The following KCNH1 variants were observed in gnomAD, a reference collection of about 807,000 sequenced individuals.
KCNH1 encodes voltage-gated delayed rectifier potassium channel KCNH1.
KCNH1 carries 27 observed loss-of-function variants against 69.2 expected under a neutral mutation model. That is an observed-to-expected ratio of 0.39 (90% CI 0.29 to 0.54). The LOEUF (loss-of-function observed/expected upper bound fraction) is 0.54, where lower values mean the gene tolerates loss of function less well. KCNH1 is among the 20% of genes least tolerant of loss of function. The pLI is 0.68. For synonymous variants in KCNH1, 456 were observed against 487.7 expected (o/e 0.93, Z 0.86); for missense variants, 798 against 1,261.6 (o/e 0.63, Z 5.57).
At chr1:210,821,900 G>A (rs1684937351) in intron 7 of KCNH1, among the ~76,000 whole-genome samples, 1 of 151,718 alleles carries the variant, frequency 6.6e-6, no homozygotes, top group Non-Finnish European at 1.5e-5. Flanking sequence ...GTAGTGGCAT[G>A]ATCATAGCTC....
intron 7 of KCNH1, among the ~76,000 whole-genome samples, chr1:210,907,945 G>A (rs1315074449): frequency 2.0e-5 from 3 of 152,206 alleles, no homozygotes; most frequent in African/African-American, 7.2e-5. Flanking sequence ...TTTTGTACCT[G>A]CTACTGTGAC....
At chr1:211,128,770 G>GA (rs1691828606) in intron 1 of KCNH1, among the ~76,000 whole-genome samples, 1 of 152,116 alleles carries the variant, frequency 6.6e-6, no homozygotes. Context: ...TTTGCAGCTG[G>GA]AAAAAACAAT....
At chr1:211,096,459 TA>T (rs1429504668) in intron 3 of KCNH1, among the ~76,000 whole-genome samples, 3 of 152,160 alleles carry the variant, frequency 2.0e-5, no homozygotes, top group Non-Finnish European at 2.9e-5. Flanking sequence ...TTGAATGACT[TA>T]AAAACAGGAA....
At chr1:210,857,070 C>A (rs1401393909) in intron 7 of KCNH1, among the ~76,000 whole-genome samples, 1 of 151,436 alleles carries the variant, frequency 6.6e-6, no homozygotes, top group African/African-American at 2.4e-5. Flanking sequence ...AGCCATGAGC[C>A]TACCCTATGC....
intron 3 of KCNH1, among the ~76,000 whole-genome samples, chr1:211,100,537 A>T (rs529801689): frequency 6.6e-6 from 1 of 152,196 alleles, no homozygotes; most frequent in South Asian, 2.1e-4. Flanking sequence ...TTTTTAGTAG[A>T]TGGGGGTTTC....
chr1:210,913,674 T>C (rs1687279638), intron 7 of KCNH1, among the ~76,000 whole-genome samples: 1 of 152,176 alleles, frequency 6.6e-6, no homozygotes, highest in Non-Finnish European at 1.5e-5. Flanking sequence ...TGTGGAGGAC[T>C]AATGTTTCCT....
At chr1:210,982,090 C>T (rs1571548547) in intron 6 of KCNH1, among the ~76,000 whole-genome samples, 1 of 152,046 alleles carries the variant, frequency 6.6e-6, no homozygotes, top group African/African-American at 2.4e-5. Context: ...CTTTAGTCCA[C>T]CAGCAATAAG....
At chr1:210,895,781 G>C (rs1214936821) in intron 7 of KCNH1, among the ~76,000 whole-genome samples, 2 of 152,086 alleles carry the variant, frequency 1.3e-5, no homozygotes, top group Non-Finnish European at 2.9e-5. Context: ...CTTGGACGTG[G>C]CTACCAAAAA....
At chr1:210,858,985 T>G in intron 7 of KCNH1, 1 of 266,644 alleles carries the variant, frequency 3.8e-6, no homozygotes, top group Non-Finnish European at 7.3e-6. Context: ...AAAATCCCAC[T>G]GGTTTCTTTT....
At chr1:210,953,545 G>A (rs1688103439) in intron 6 of KCNH1, among the ~76,000 whole-genome samples, 1 of 152,074 alleles carries the variant, frequency 6.6e-6, no homozygotes, top group South Asian at 2.1e-4. Context: ...CATTTCCATA[G>A]CCCTCGTCTT....
At chr1:210,897,548 A>G (rs1039341435) in intron 7 of KCNH1, among the ~76,000 whole-genome samples, 10 of 152,200 alleles carry the variant, frequency 6.6e-5, no homozygotes, top group African/African-American at 2.4e-4. Context: ...AGCAGCTCCA[A>G]CAGGCTCCCC....
intron 7 of KCNH1, among the ~76,000 whole-genome samples, chr1:210,838,375 C>A (rs1382319881): frequency 6.6e-6 from 1 of 151,860 alleles, no homozygotes; most frequent in Non-Finnish European, 1.5e-5. Context: ...ATATAAAACC[C>A]AAATATAAAA....
At position 210,683,571 on chromosome 1, in the gene KCNH1, C is replaced by T. The variant is rs371256167; in HGVS notation, c.2680G>A (p.Val894Met). ...TCCTGGGGACTCCTGGCCTCACCCACGTTGTCCAGGCGCAAGTCGCTCTTG... is the reference window on the plus strand; with the variant it reads ...TCCTGGGGACTCCTGGCCTCACCCATGTTGTCCAGGCGCAAGTCGCTCTTG... ...ITKSDLRLDN[V>M]GEARSPQDRS... The change falls in exon 11 of 11, where the codon GTG becomes ATG. Residue 894 changes from valine to methionine, a missense_variant. Physicochemically the swap from Val to Met is conservative, Grantham distance 21. Coordinates refer to ENST00000271751, the MANE Select transcript of KCNH1 (RefSeq NM_172362.3). This position sits in a 1 kb window ranked among gnomAD's most constrained non-coding sequence, Gnocchi z 5.7. 1.4e-4 allele frequency: 219 copies of T among 1,614,058 alleles called. No homozygotes were observed. Among genetic ancestry groups the T allele is most frequent in the Non-Finnish European group, 1.6e-4 (188 of 1,180,034 alleles).
chr1:210,901,739 T>C (rs1686999482), intron 7 of KCNH1, among the ~76,000 whole-genome samples: 1 of 152,206 alleles, frequency 6.6e-6, no homozygotes, highest in Non-Finnish European at 1.5e-5. Flanking sequence ...GAGGAAGAGC[T>C]GCTTTAGCAG....
At chr1:210,806,820 A>T (rs1164756166) in intron 7 of KCNH1, among the ~76,000 whole-genome samples, 1,385 of 23,554 alleles carry the variant, frequency 0.059, 189 homozygotes, top group African/African-American at 0.13. Flanking sequence ...AAAAAAAAAA[A>T]AAAAAAAAAA....
rs1236553612 is a variant in KCNH1, at chr1:211,133,957, C to G, written c.-12G>C. The G allele has an allele frequency of 4.4e-6, 7 of 1,606,076 alleles. 1 individual carries two copies. In the South Asian group the frequency reaches 7.8e-5, roughly 18 times the overall value. ...CCAGCCATGGTCATCCTCCCAGCAG[C>G]TCGGGGTCCGGCGGGCGTCCTGGCG... On this transcript the variant is annotated 5_prime_UTR_variant, in exon 1 of 11. Transcript: ENST00000271751. The surrounding 1 kb of genome is among the most constrained non-coding windows in gnomAD (Gnocchi z 5.4).
chr1:211,037,978 G>C (rs1455324488), intron 5 of KCNH1, among the ~76,000 whole-genome samples: 1 of 29,982 alleles, frequency 3.3e-5, no homozygotes, highest in Non-Finnish European at 6.1e-5. Flanking sequence ...TTTTTTTTTT[G>C]AGATGGAGTC....
intron 3 of KCNH1, among the ~76,000 whole-genome samples, chr1:211,098,043 A>C (rs1691188933): frequency 6.6e-6 from 1 of 152,234 alleles, no homozygotes; most frequent in Non-Finnish European, 1.5e-5. Context: ...AAATCAGGCC[A>C]GGCATGGTGG....
intron 7 of KCNH1, among the ~76,000 whole-genome samples, chr1:210,897,473 A>T (rs937128349): frequency 4.6e-5 from 7 of 152,224 alleles, no homozygotes; most frequent in Non-Finnish European, 7.3e-5. Context: ...CTGCATGGGT[A>T]GGGAAAGAAA....
Sources: gnomAD v4.1 joint callset for allele counts (sites outside exome capture counted in the v4.1 genomes callset) on GRCh38, gnomAD v4.1.1 for gene constraint, Gnocchi (gnomAD v3.1) non-coding constraint, MANE v1.5 for transcripts, NCBI Gene and HGNC (gene_info 2026-07-23, HGNC 2026-07-21) for gene names.